The following LRRC63 variants were observed in gnomAD, a reference collection of about 807,000 sequenced individuals.
LRRC63 encodes the protein leucine-rich repeat-containing protein 63.
A neutral mutation model predicts 49.5 loss-of-function variants in LRRC63; 40 were observed. The ratio of observed to expected loss-of-function variants is 0.81; its 90% CI spans 0.63 to 1.05. The LOEUF is 1.05. LRRC63 is among the 50% of genes least tolerant of loss of function. LRRC63 has a pLI of 0.00. For missense variants in LRRC63, 636 were observed against 663.1 expected (o/e 0.96, Z 0.45); for synonymous variants, 191 against 221.1 (o/e 0.86, Z 1.21).
intron 4 of LRRC63, among the ~76,000 whole-genome samples, chr13:46,231,369 G>A (rs557434598): frequency 1.3e-4 from 20 of 152,308 alleles, no homozygotes; most frequent in South Asian, 4.1e-4. Flanking sequence ...CTATACAAGC[G>A]TAGTTATGGC....
intron 9 of LRRC63, among the ~76,000 whole-genome samples, chr13:46,268,829 A>C (rs1220003964): frequency 2.0e-5 from 3 of 152,060 alleles, no homozygotes; most frequent in Non-Finnish European, 2.9e-5. Context: ...ATCTCTATGA[A>C]ATAACAATGT....
At chr13:46,232,839 A>T (rs2046803554) in intron 4 of LRRC63, among the ~76,000 whole-genome samples, 1 of 152,250 alleles carries the variant, frequency 6.6e-6, no homozygotes, top group African/African-American at 2.4e-5. Context: ...TGGATTTAAA[A>T]GTAACTATGA....
At position 46,270,136 on chromosome 13, in the gene LRRC63, C is replaced by T. The variant is rs906927252; in HGVS notation, c.1550+3164C>T. ...TGCCTTTGTTCGTGGATCAATACTT[C>T]ACTCGCTGGTACAAAGCAGATGTCA... On this transcript the variant is annotated intron_variant, in intron 9 of 9. Transcript: ENST00000595396. 20 of 698,214 alleles carry T rather than the reference C, an allele frequency of 2.9e-5. No homozygotes were observed. In the African/African-American group the frequency reaches 3.0e-4, roughly 10 times the overall value. The allele number at this position is 698,214 out of a possible 1,614,324, so 43.3% of individuals were successfully genotyped here. A position where few individuals can be genotyped will look rare whatever the true frequency, so the allele number is the denominator to read the frequency against.
exon 4 of LRRC63, chr13:46,228,724 C>T (rs778140037): frequency 2.0e-6 from 3 of 1,536,922 alleles, no homozygotes; most frequent in Non-Finnish European, 2.6e-6. Flanking sequence ...CCCACCAAGA[C>T]CACCTGAAGG....
At chr13:46,267,581 C>T (rs1328111248) in intron 9 of LRRC63, among the ~76,000 whole-genome samples, 1 of 152,134 alleles carries the variant, frequency 6.6e-6, no homozygotes, top group Non-Finnish European at 1.5e-5. Flanking sequence ...AGTAAAATGG[C>T]TTCCCAGGAA....
chr13:46,219,699 T>C (rs2046350493), intron 2 of LRRC63, among the ~76,000 whole-genome samples: 1 of 152,268 alleles, frequency 6.6e-6, no homozygotes, highest in South Asian at 2.1e-4. Flanking sequence ...TTTGGAATTT[T>C]CAGCCTTTTT....
chr13:46,223,891 A>G (rs1014719490), intron 2 of LRRC63, among the ~76,000 whole-genome samples: 3 of 152,224 alleles, frequency 2.0e-5, no homozygotes, highest in Admixed American at 1.3e-4. Context: ...CAAAAAACAA[A>G]AAAAACCCAC....
At chr13:46,239,060 C>T (rs1037084372) in intron 5 of LRRC63, among the ~76,000 whole-genome samples, 1 of 152,112 alleles carries the variant, frequency 6.6e-6, no homozygotes, top group East Asian at 1.9e-4. Flanking sequence ...AGTAACCTAA[C>T]ATCAAAACCA....
At chr13:46,265,752 A>G (rs1489191936) in intron 8 of LRRC63, among the ~76,000 whole-genome samples, 1 of 152,202 alleles carries the variant, frequency 6.6e-6, no homozygotes, top group African/African-American at 2.4e-5. Context: ...TGCGCAGAAG[A>G]AAAAGGTGAC....
At chr13:46,213,081 T>G (rs1035191365) in exon 2 of LRRC63, 1 of 1,549,754 alleles carries the variant, frequency 6.5e-7, no homozygotes, top group African/African-American at 1.4e-5. Flanking sequence ...CCTCCAAAAT[T>G]CACTAAGCTG....
intron 2 of LRRC63, among the ~76,000 whole-genome samples, chr13:46,219,457 A>C (rs2046343898): frequency 1.3e-5 from 2 of 152,052 alleles, no homozygotes; most frequent in African/African-American, 4.8e-5. Flanking sequence ...CCATCAGTTC[A>C]TTTAGCTTCT....
At chr13:46,262,738 ATGAT>A (rs1221674861) in intron 8 of LRRC63, among the ~76,000 whole-genome samples, 11 of 152,046 alleles carry the variant, frequency 7.2e-5, no homozygotes, top group Non-Finnish European at 1.6e-4. Context: ...TAAGTGTTTT[ATGAT>A]TGTGATTGTT....
At chr13:46,220,392 C>T (rs1008578369) in intron 2 of LRRC63, among the ~76,000 whole-genome samples, 2 of 152,182 alleles carry the variant, frequency 1.3e-5, no homozygotes, top group Admixed American at 6.5e-5. Context: ...TTCCTGGTGG[C>T]TTTGTATACA....
At chr13:46,249,573 A>T (rs2138519554) in intron 6 of LRRC63, among the ~76,000 whole-genome samples, 1 of 152,032 alleles carries the variant, frequency 6.6e-6, no homozygotes, top group East Asian at 1.9e-4. Context: ...TCTTTAGAAA[A>T]TATGAATGGC....
chr13:46,235,447 C>G (rs140871636), intron 5 of LRRC63, among the ~76,000 whole-genome samples: 2 of 152,086 alleles, frequency 1.3e-5, no homozygotes, highest in East Asian at 3.9e-4. Flanking sequence ...GAAATGAAAA[C>G]TTCACTGGAA....
intron 3 of LRRC63, 68 bp downstream of exon 3, chr13:46,228,257 G>C: frequency 3.3e-6 from 4 of 1,221,682 alleles, no homozygotes; most frequent in Non-Finnish European, 4.5e-6. Flanking sequence ...AGGCATGCAA[G>C]CTAATGGTAC....
At chr13:46,238,790 A>C (rs1328887587) in intron 5 of LRRC63, among the ~76,000 whole-genome samples, 1 of 152,168 alleles carries the variant, frequency 6.6e-6, no homozygotes, top group African/African-American at 2.4e-5. Flanking sequence ...TACCAAACAC[A>C]ATCTTGGACC....
At chr13:46,224,075 A>G (rs1194875299) in intron 2 of LRRC63, among the ~76,000 whole-genome samples, 2 of 152,218 alleles carry the variant, frequency 1.3e-5, no homozygotes, top group African/African-American at 4.8e-5. Flanking sequence ...TGAAGCTCCT[A>G]TATCTGAATG....
chr13:46,229,112 T>C (rs2046667580), intron 4 of LRRC63, among the ~76,000 whole-genome samples: 1 of 152,138 alleles, frequency 6.6e-6, no homozygotes, highest in African/African-American at 2.4e-5. Flanking sequence ...CTCTCAAATA[T>C]AGTGTGTGGC....
Sources: allele counts gnomAD v4.1 joint callset (sites outside exome capture counted in the v4.1 genomes callset), GRCh38; gene constraint gnomAD v4.1.1; transcripts MANE v1.5; gene names NCBI Gene and HGNC (gene_info 2026-07-23, HGNC 2026-07-21).